CPQ: variants seen among roughly 807,000 people sequenced by gnomAD.
The protein encoded by CPQ is Ser-Met dipeptidase.
Under a neutral mutation model 45.7 loss-of-function variants are expected in CPQ, and 37 were observed. The ratio of observed to expected loss-of-function variants is 0.81; its 90% confidence interval spans 0.62 to 1.07. The LOEUF is 1.07. CPQ is among the 50% of genes least tolerant of loss of function. The pLI, the probability that CPQ is intolerant of heterozygous loss-of-function variation, is 0.00. For synonymous variants in CPQ, 186 were observed against 205.8 expected (o/e 0.90, Z 0.82); for missense variants, 537 against 572.9 (o/e 0.94, Z 0.64).
intron 5 of CPQ, among the ~76,000 whole-genome samples, chr8:97,029,043 A>C (rs73281748): frequency 0.042 from 6,438 of 152,208 alleles, 429 homozygotes; most frequent in African/African-American, 0.14. Flanking sequence ...ACCCCACAAT[A>C]TGCTTGGGGT....
In CPQ at chr8:96,958,858, A is replaced by C. The variant is rs1480927459; in HGVS notation, c.850-7077A>C. Among the ~76,000 whole-genome samples the C allele has an allele frequency of 3.4e-5, 5 of 149,130 alleles. No homozygotes were observed. In the East Asian group the frequency reaches 9.9e-4, roughly 30 times the overall value. ...CCATGAGCATTTGAACAGATGGCCC[A>C]TTTTTGTGGGAAAGGATTCTGTATC... On this transcript the variant is annotated intron_variant, in intron 4 of 7. Coordinates refer to ENST00000220763, the MANE Select transcript of CPQ (RefSeq NM_016134.4).
At chr8:96,806,954 A>G (rs768621057) in intron 2 of CPQ, among the ~76,000 whole-genome samples, 1 of 152,228 alleles carries the variant, frequency 6.6e-6, no homozygotes, top group Non-Finnish European at 1.5e-5. Context: ...CATGTACCCT[A>G]TAAATGTATA....
intron 3 of CPQ, among the ~76,000 whole-genome samples, chr8:96,857,859 G>A (rs1811870624): frequency 6.6e-6 from 1 of 152,186 alleles, no homozygotes; most frequent in Non-Finnish European, 1.5e-5. Context: ...CAAAAACTGA[G>A]TTTAGCATCA....
intron 1 of CPQ, among the ~76,000 whole-genome samples, chr8:96,747,452 G>A (rs1211634979): frequency 2.0e-5 from 3 of 152,008 alleles, no homozygotes; most frequent in Non-Finnish European, 2.9e-5. Context: ...ACCTGAGCAC[G>A]TGAGACCAAA....
intron 4 of CPQ, among the ~76,000 whole-genome samples, chr8:96,916,568 C>A (rs1158231670): frequency 2.0e-5 from 3 of 152,102 alleles, no homozygotes; most frequent in Non-Finnish European, 4.4e-5. Context: ...ACACCCAGTT[C>A]TCCCACTATT....
intron 5 of CPQ, among the ~76,000 whole-genome samples, chr8:96,979,190 T>C (rs1320926333): frequency 2.6e-5 from 4 of 151,932 alleles, no homozygotes; most frequent in Admixed American, 6.6e-5. Flanking sequence ...TTGTGAAGGG[T>C]ACTGGATGCA....
At chr8:96,951,007 A>ATT (rs1813255715) in intron 4 of CPQ, among the ~76,000 whole-genome samples, 1 of 152,150 alleles carries the variant, frequency 6.6e-6, no homozygotes, top group African/African-American at 2.4e-5. Context: ...GTCCTACTGT[A>ATT]TTGTGGTTTA....
At chr8:96,677,960 G>C (rs1297390111) in intron 1 of CPQ, among the ~76,000 whole-genome samples, 1 of 151,954 alleles carries the variant, frequency 6.6e-6, no homozygotes, top group Non-Finnish European at 1.5e-5. Context: ...TGTATGCTTT[G>C]TTGCGGATCA....
At chr8:96,684,667 G>A (rs1809202291) in intron 1 of CPQ, among the ~76,000 whole-genome samples, 1 of 152,200 alleles carries the variant, frequency 6.6e-6, no homozygotes, top group South Asian at 2.1e-4. Context: ...GCCAGTGGCA[G>A]CAAGAGGGAT....
chr8:96,755,619 T>C, intron 1 of CPQ, among the ~76,000 whole-genome samples: 1 of 151,976 alleles, frequency 6.6e-6, no homozygotes, highest in East Asian at 1.9e-4. Context: ...TATGAAATAT[T>C]TTAAAATTTA....
At chr8:96,850,189 A>C (rs1811751956) in intron 3 of CPQ, among the ~76,000 whole-genome samples, 1 of 152,158 alleles carries the variant, frequency 6.6e-6, no homozygotes. Flanking sequence ...AGCAGAGTGA[A>C]CTGTTTCGTG....
intron 7 of CPQ, among the ~76,000 whole-genome samples, chr8:97,142,583 C>T (rs1008312718): frequency 6.6e-6 from 1 of 152,216 alleles, no homozygotes; most frequent in African/African-American, 2.4e-5. Flanking sequence ...GTCTCAGTTA[C>T]TTATACAAAT....
intron 1 of CPQ, among the ~76,000 whole-genome samples, chr8:96,697,714 C>G (rs1432127203): frequency 6.6e-6 from 1 of 151,994 alleles, no homozygotes; most frequent in African/African-American, 2.4e-5. Context: ...TATATGCCAA[C>G]AACAAACAAT....
At chr8:97,045,287 A>G (rs1446242716) in intron 6 of CPQ, among the ~76,000 whole-genome samples, 4 of 152,200 alleles carry the variant, frequency 2.6e-5, no homozygotes, top group African/African-American at 9.7e-5. Flanking sequence ...AGTACCTTCC[A>G]AGCCATGTGC....
chr8:97,051,171 C>T lies in CPQ; in HGVS notation c.1054-14838C>T, dbSNP rs537919845. Reference sequence around the variant, plus strand: ...CCTTACTAATAAAGCTACCATTTGCCCAACAGAGGTTCTTGACCATTGCTG... The same window carrying T: ...CCTTACTAATAAAGCTACCATTTGCTCAACAGAGGTTCTTGACCATTGCTG... On this transcript the variant is annotated intron_variant, in intron 6 of 7. Coordinates refer to ENST00000220763, the MANE Select transcript of CPQ (RefSeq NM_016134.4). 8.5e-5 allele frequency among the ~76,000 whole-genome samples: 13 copies of T among 152,216 alleles called. No individual in the cohort carries two copies. The East Asian group carries it at 2.3e-3, about 27-fold the overall frequency.
chr8:96,848,190 C>T (rs1811724400), intron 3 of CPQ, among the ~76,000 whole-genome samples: 1 of 152,064 alleles, frequency 6.6e-6, no homozygotes, highest in African/African-American at 2.4e-5. Flanking sequence ...TTTTAACTTT[C>T]TCAACTTAAT....
At position 97,105,123 on chromosome 8, in the gene CPQ, CAGCTCTCGGGTTATAGCT is replaced by C. The variant is rs373267243; in HGVS notation, c.1256-37896_1256-37879del. On this transcript the variant is annotated intron_variant, in intron 7 of 7. Coordinates refer to ENST00000220763, the MANE Select transcript of CPQ (RefSeq NM_016134.4). ...TGTGCCTTCTTGATTAGCATGCAGACAGCTCTCGGGTTATAGCTTAACCTAAGTAATGGTCACGTGGTA... is the reference window on the plus strand; with the variant it reads ...TGTGCCTTCTTGATTAGCATGCAGACTAACCTAAGTAATGGTCACGTGGTA... Among the ~76,000 whole-genome samples, 138 of 152,350 alleles carry C rather than the reference CAGCTCTCGGGTTATAGCT, an allele frequency of 9.1e-4. 1 individual carries two copies. The highest frequency in any genetic ancestry group is 3.2e-3 in the African/African-American group (133 of 41,578).
chr8:96,785,147 C>A lies in CPQ; in HGVS notation c.250C>A (p.Leu84Ile), dbSNP rs1398256572. The A allele has an allele frequency of 6.2e-7, 1 of 1,613,626 alleles. No individual in the cohort carries two copies. The highest frequency in any genetic ancestry group is 8.5e-7 in the Non-Finnish European group (1 of 1,179,798). Residue 84 changes from leucine (L) to isoleucine (I), a missense_variant, in exon 2 of 8, where the codon CTA (leucine) becomes ATA (isoleucine). Physicochemically the swap from Leu to Ile is conservative, Grantham distance 5. Coordinates refer to ENST00000220763, the MANE Select transcript of CPQ (RefSeq NM_016134.4). Reference protein sequence around the residue: ...VGPRLSGSKNLEKAIQIMYQN... With the variant: ...VGPRLSGSKNIEKAIQIMYQN... ...ACCCAGACTGAGTGGCTCCAAGAAC[C>A]TAGAAAAAGCCATCCAAATTATGTA...
intron 7 of CPQ, among the ~76,000 whole-genome samples, chr8:97,101,721 T>C (rs767374698): frequency 6.6e-6 from 1 of 151,938 alleles, no homozygotes; most frequent in Non-Finnish European, 1.5e-5. Context: ...CTACTTACTA[T>C]CCTAGAATCA....
Sources: allele counts gnomAD v4.1 joint callset (sites outside exome capture counted in the v4.1 genomes callset), GRCh38; gene constraint gnomAD v4.1.1; transcripts MANE v1.5; gene names NCBI Gene and HGNC (gene_info 2026-07-23, HGNC 2026-07-21).